The following DENND1A variants were observed in gnomAD, a reference collection of about 807,000 sequenced individuals.
DENND1A encodes DENN domain-containing protein 1A.
A neutral mutation model predicts 113.7 loss-of-function variants in DENND1A; 51 were observed. The observed-to-expected ratio is 0.45, with a 90% CI of 0.36 to 0.57. DENND1A has a LOEUF of 0.57. Among genes scored for constraint, DENND1A ranks in the 20% least tolerant of loss-of-function variants. DENND1A has a pLI of 0.00. For missense variants in DENND1A, 1,258 were observed against 1,395.9 expected, an observed-to-expected ratio of 0.90 and a Z score of 1.57; for synonymous variants, 565 against 570.8, an observed-to-expected ratio of 0.99 and a Z score of 0.14.
intron 23 of DENND1A, among the ~76,000 whole-genome samples, chr9:123,383,020 A>C (rs2042362853): frequency 6.6e-6 from 1 of 152,172 alleles, no homozygotes; most frequent in African/African-American, 2.4e-5. Flanking sequence ...AGGAAGGAGG[A>C]GGCCAAGTTG....
intron 18 of DENND1A, among the ~76,000 whole-genome samples, chr9:123,448,947 T>C (rs1426258692): frequency 2.0e-5 from 3 of 152,188 alleles, no homozygotes; most frequent in African/African-American, 7.2e-5. Context: ...AGTGGTACGT[T>C]TGGGGGCATA....
intron 2 of DENND1A, among the ~76,000 whole-genome samples, chr9:123,805,622 C>T (rs528448599): frequency 4.0e-5 from 6 of 151,868 alleles, no homozygotes; most frequent in Non-Finnish European, 5.9e-5. Flanking sequence ...TTATTAGAGT[C>T]GGGGTTTCAT....
At position 123,383,896 on chromosome 9, in the gene DENND1A, G is replaced by T; in HGVS notation, c.1778C>A (p.Thr593Lys). The T allele has an allele frequency of 6.2e-7, 1 of 1,611,356 alleles. No individual in the cohort carries two copies. Among genetic ancestry groups the T allele is most frequent in the Non-Finnish European group, 8.5e-7 (1 of 1,179,698 alleles). ...APFEWPQPYR[T>K]LRESDSAEGD... The stretch of plus-strand genomic sequence containing the variant: ...TTCCGCGCTGTCTGACTCCCTGAGT[G>T]TCCGATACGGCTGCGGCCTGTCGGG... The change falls in exon 23 of 24, where the codon ACA becomes AAA. Residue 593 changes from threonine to lysine, a missense_variant. Thr to Lys is a moderately conservative substitution (Grantham distance 78). Transcript: ENST00000394215.
chr9:123,426,164 T>C (rs2045710905), intron 19 of DENND1A, among the ~76,000 whole-genome samples: 2 of 152,214 alleles, frequency 1.3e-5, no homozygotes, highest in South Asian at 2.1e-4. Flanking sequence ...TCCTGGAGGC[T>C]GGGTACGTCC....
intron 2 of DENND1A, among the ~76,000 whole-genome samples, chr9:123,849,767 T>G (rs75186219): frequency 0.036 from 5,483 of 152,256 alleles, 105 homozygotes; most frequent in Middle Eastern, 0.048. Flanking sequence ...TAAGAACAAT[T>G]GTGATTTGTG....
intron 21 of DENND1A, among the ~76,000 whole-genome samples, chr9:123,393,917 C>G (rs979436999): frequency 1.3e-5 from 2 of 151,864 alleles, no homozygotes. Context: ...CTTGCTTTGC[C>G]GGAGGACAAT....
intron 14 of DENND1A, 63 bp from the exon 15 acceptor site, chr9:123,457,498 GCTGGGCAC>G: frequency 7.4e-7 from 1 of 1,343,778 alleles, no homozygotes; most frequent in South Asian, 1.2e-5. Context: ...AAACCATTCA[GCTGGGCAC>G]CTTACTGTAT....
chr9:123,899,917 T>C (rs1296069148), intron 1 of DENND1A, among the ~76,000 whole-genome samples: 3 of 152,178 alleles, frequency 2.0e-5, no homozygotes, highest in Non-Finnish European at 2.9e-5. Context: ...AACCAGCTTA[T>C]AGGTGGAATA....
intron 13 of DENND1A, among the ~76,000 whole-genome samples, chr9:123,538,426 T>G (rs184880533): frequency 6.6e-6 from 1 of 152,134 alleles, no homozygotes; most frequent in Non-Finnish European, 1.5e-5. Context: ...TCTTGAGATA[T>G]AATTTCTCAC....
At chr9:123,650,607 G>A (rs542505174) in intron 9 of DENND1A, among the ~76,000 whole-genome samples, 2 of 152,278 alleles carry the variant, frequency 1.3e-5, no homozygotes, top group Non-Finnish European at 2.9e-5. Flanking sequence ...AGTGACGCCT[G>A]TGATTTACTT....
intron 2 of DENND1A, among the ~76,000 whole-genome samples, chr9:123,853,032 C>T (rs1287795557): frequency 1.3e-5 from 2 of 151,948 alleles, no homozygotes; most frequent in African/African-American, 4.8e-5. Context: ...CATTCTCCTG[C>T]CTCAGCCTCC....
intron 8 of DENND1A, among the ~76,000 whole-genome samples, chr9:123,658,224 G>C (rs2063061937): frequency 6.6e-6 from 1 of 151,542 alleles, no homozygotes; most frequent in Non-Finnish European, 1.5e-5. Context: ...AATTAAGACA[G>C]GTTTGTTTAA....
Position 123,402,051 on chromosome 9 carries a change from T to A in DENND1A, c.1631+1351A>T, listed in dbSNP as rs2131294979. On this transcript the variant is annotated intron_variant, in intron 21 of 23. Coordinates refer to ENST00000394215, the MANE Select transcript of DENND1A (RefSeq NM_001352964.2). Reference sequence around the variant, plus strand: ...AGAAATGTGACAAATTTCATCCCCTTAAGGAGGAATCTTTAGTCCGAGGCA... The same window carrying A: ...AGAAATGTGACAAATTTCATCCCCTAAAGGAGGAATCTTTAGTCCGAGGCA... 3.3e-6 allele frequency: 4 copies of A among 1,208,960 alleles called. No individual in the cohort carries two copies. In the South Asian group the frequency reaches 4.3e-5, roughly 13 times the overall value. 74.9% of individuals were successfully genotyped at this position (1,208,960 alleles called of 1,614,324 possible).
intron 9 of DENND1A, among the ~76,000 whole-genome samples, chr9:123,633,096 CG>C (rs1485308505): frequency 6.6e-6 from 1 of 152,018 alleles, no homozygotes; most frequent in Non-Finnish European, 1.5e-5. Flanking sequence ...TTTGTAGAGA[CG>C]GGGTTTCGCC....
At chr9:123,382,649 C>CAGT in intron 23 of DENND1A, 24 bp from the exon 24 acceptor site, 1 of 1,612,194 alleles carries the variant, frequency 6.2e-7, no homozygotes, top group Non-Finnish European at 8.5e-7. Flanking sequence ...AGGAGGGCGG[C>CAGT]AGTGACCACG....
chr9:123,716,949 C>A (rs2067015676), intron 5 of DENND1A, among the ~76,000 whole-genome samples: 1 of 152,150 alleles, frequency 6.6e-6, no homozygotes, highest in Non-Finnish European at 1.5e-5. Flanking sequence ...AATGACTAAT[C>A]TAGTTTTTAA....
chr9:123,395,543 A>T (rs1270644578), intron 21 of DENND1A, among the ~76,000 whole-genome samples: 1 of 150,348 alleles, frequency 6.7e-6, no homozygotes, highest in Non-Finnish European at 1.5e-5. Context: ...AGCCCTGCTA[A>T]TTGGGTCTGT....
intron 13 of DENND1A, among the ~76,000 whole-genome samples, chr9:123,474,056 G>A (rs1032264616): frequency 8.2e-6 from 1 of 121,442 alleles, no homozygotes; most frequent in Admixed American, 1.1e-4. Context: ...GTGCAATGGT[G>A]TAATCTTGGC....
At chr9:123,669,754 T>C (rs2063671807) in intron 7 of DENND1A, among the ~76,000 whole-genome samples, 1 of 152,216 alleles carries the variant, frequency 6.6e-6, no homozygotes, top group South Asian at 2.1e-4. Context: ...AGCTCATTTT[T>C]TCATCTTTTC....
Sources: gnomAD v4.1 joint callset for allele counts (sites outside exome capture counted in the v4.1 genomes callset) on GRCh38, gnomAD v4.1.1 for gene constraint, MANE v1.5 for transcripts, NCBI Gene and HGNC (gene_info 2026-07-23, HGNC 2026-07-21) for gene names.